The following CSMD1 variants were observed in gnomAD, a reference collection of about 807,000 sequenced individuals.
CSMD1 encodes the protein CUB and Sushi multiple domains 1, also known as CUB and sushi domain-containing protein 1.
CSMD1 carries 213 observed loss-of-function variants against 417.5 expected under a neutral mutation model. The ratio of observed to expected loss-of-function variants is 0.51; its 90% CI spans 0.46 to 0.57. CSMD1 has a LOEUF of 0.57. CSMD1 is among the 20% of genes least tolerant of loss of function. The pLI is 0.00. For missense variants in CSMD1, 6,923 were observed against 4,529.7 expected, an observed-to-expected ratio of 1.53 and a Z score of -15.17; for synonymous variants, 2,862 against 1,736.8, an observed-to-expected ratio of 1.65 and a Z score of -16.11.
intron 3 of CSMD1, among the ~76,000 whole-genome samples, chr8:4,196,969 C>G (rs925693946): frequency 6.6e-6 from 1 of 152,108 alleles, no homozygotes; most frequent in Non-Finnish European, 1.5e-5. Context: ...TCATTTGAGC[C>G]TCACCGCCCC....
At chr8:3,276,633 G>T (rs1359030322) in intron 26 of CSMD1, among the ~76,000 whole-genome samples, 7 of 152,070 alleles carry the variant, frequency 4.6e-5, no homozygotes, top group Admixed American at 3.9e-4. Flanking sequence ...AGTTTTGGGT[G>T]GGGACACAGC....
At chr8:4,967,115 A>C (rs995644990) in intron 1 of CSMD1, among the ~76,000 whole-genome samples, 1 of 152,214 alleles carries the variant, frequency 6.6e-6, no homozygotes, top group Admixed American at 6.6e-5. Flanking sequence ...TTGTCTTAAA[A>C]AAAAATCAGG....
chr8:3,717,058 T>A (rs1352789856), intron 6 of CSMD1, among the ~76,000 whole-genome samples: 5 of 152,180 alleles, frequency 3.3e-5, no homozygotes, highest in African/African-American at 4.8e-5. Flanking sequence ...TTTGCTGTGG[T>A]GAAGTCTGAT....
intron 17 of CSMD1, among the ~76,000 whole-genome samples, chr8:3,390,354 CAAAAAAA>C (rs35292914): frequency 4.2e-4 from 27 of 64,260 alleles, no homozygotes; most frequent in South Asian, 9.8e-4. Flanking sequence ...GACTCTGTCT[CAAAAAAA>C]AAAAAAAAAA....
intron 2 of CSMD1, among the ~76,000 whole-genome samples, chr8:4,430,475 A>G (rs1563165154): frequency 1.3e-5 from 2 of 152,186 alleles, no homozygotes. Flanking sequence ...TTTAATAGAC[A>G]TGGTATATCA....
At chr8:3,551,206 T>C (rs184125015) in intron 10 of CSMD1, among the ~76,000 whole-genome samples, 254 of 152,330 alleles carry the variant, frequency 1.7e-3, no homozygotes, top group African/African-American at 5.6e-3. Flanking sequence ...ATAATGAACA[T>C]AATTACTTAA....
chr8:4,155,213 C>G (rs1256890221), intron 3 of CSMD1, among the ~76,000 whole-genome samples: 1 of 152,112 alleles, frequency 6.6e-6, no homozygotes, highest in African/African-American at 2.4e-5. Context: ...TGTAACAGAG[C>G]CAGATGACTG....
At chr8:3,531,635 G>C (rs1245520593) in intron 10 of CSMD1, among the ~76,000 whole-genome samples, 3 of 152,264 alleles carry the variant, frequency 2.0e-5, no homozygotes, top group East Asian at 1.9e-4. Flanking sequence ...TGTTAGCATA[G>C]GTGCAATACA....
At chr8:3,410,544 T>C (rs913354295) in intron 12 of CSMD1, among the ~76,000 whole-genome samples, 23 of 152,318 alleles carry the variant, frequency 1.5e-4, no homozygotes, top group African/African-American at 5.3e-4. Flanking sequence ...AGCTTTCTCT[T>C]TGCCTGCTGC....
chr8:3,862,017 T>C (rs1804744948), intron 5 of CSMD1, among the ~76,000 whole-genome samples: 1 of 152,190 alleles, frequency 6.6e-6, no homozygotes, highest in Non-Finnish European at 1.5e-5. Context: ...ACCAACACAA[T>C]CATTCCATGC....
At chr8:3,576,994 C>T (rs898204815) in intron 9 of CSMD1, among the ~76,000 whole-genome samples, 1 of 152,182 alleles carries the variant, frequency 6.6e-6, no homozygotes, top group African/African-American at 2.4e-5. Context: ...ACCATATTGG[C>T]ATTGTCGGCC....
At chr8:3,039,250 G>C (rs1161603454) in intron 50 of CSMD1, among the ~76,000 whole-genome samples, 1 of 136,618 alleles carries the variant, frequency 7.3e-6, no homozygotes, top group African/African-American at 3.5e-5. Flanking sequence ...TCTGACTCCC[G>C]TGCCTGAAAC....
At chr8:4,671,244 T>A (rs938780771) in intron 1 of CSMD1, among the ~76,000 whole-genome samples, 1 of 152,224 alleles carries the variant, frequency 6.6e-6, no homozygotes, top group African/African-American at 2.4e-5. Flanking sequence ...TTGAAGTCAT[T>A]AGATAATTTC....
intron 5 of CSMD1, among the ~76,000 whole-genome samples, chr8:3,755,884 G>C (rs1245053982): frequency 6.6e-6 from 1 of 152,004 alleles, no homozygotes; most frequent in African/African-American, 2.4e-5. Flanking sequence ...GTGACAGCTG[G>C]ACACAGCTGA....
intron 3 of CSMD1, among the ~76,000 whole-genome samples, chr8:4,298,431 G>A (rs546753263): frequency 2.7e-4 from 41 of 152,152 alleles, no homozygotes; most frequent in African/African-American, 9.2e-4. Context: ...GTTATACAAA[G>A]TTGTGAATAA....
At chr8:3,468,625 T>G (rs1286080232) in intron 12 of CSMD1, 87 bp downstream of exon 12, 12 of 754,042 alleles carry the variant, frequency 1.6e-5, no homozygotes, top group East Asian at 2.9e-5. Context: ...ACTTGTTGAT[T>G]TTACTTCTAC....
At chr8:3,300,404 ATAAT>A (rs1333678252) in intron 25 of CSMD1, among the ~76,000 whole-genome samples, 5 of 152,238 alleles carry the variant, frequency 3.3e-5, no homozygotes, top group South Asian at 2.1e-4. Flanking sequence ...ATTAAGAAAA[ATAAT>A]TAACCATAAA....
intron 1 of CSMD1, among the ~76,000 whole-genome samples, chr8:4,813,928 G>A (rs1032472469): frequency 1.3e-5 from 2 of 152,084 alleles, no homozygotes; most frequent in Non-Finnish European, 2.9e-5. Context: ...TTAAATGTTT[G>A]TAATTATACA....
intron 5 of CSMD1, among the ~76,000 whole-genome samples, chr8:3,880,416 A>G (rs1302427342): frequency 6.6e-6 from 1 of 152,222 alleles, no homozygotes; most frequent in Non-Finnish European, 1.5e-5. Flanking sequence ...AATTAGCTTC[A>G]GTTTCCAGGA....
Sources: allele counts gnomAD v4.1 joint callset (sites outside exome capture counted in the v4.1 genomes callset), GRCh38; gene constraint gnomAD v4.1.1; transcripts MANE v1.5; gene names NCBI Gene and HGNC (gene_info 2026-07-23, HGNC 2026-07-21).